The following UBE2W variants were observed in gnomAD, a reference collection of about 807,000 sequenced individuals.
The protein encoded by UBE2W is ubiquitin conjugating enzyme E2 W.
UBE2W carries 18 observed loss-of-function variants against 27.2 expected under a neutral mutation model. The ratio of observed to expected loss-of-function variants is 0.66; its 90% CI spans 0.46 to 0.98. The LOEUF (loss-of-function observed/expected upper bound fraction) is 0.98, where lower values mean the gene tolerates loss of function less well. Ranked by LOEUF, UBE2W falls within the 50% of genes least tolerant of loss-of-function variation. The pLI is 0.00. For missense variants in UBE2W, 90 were observed against 180.2 expected (o/e 0.50, Z 2.87); for synonymous variants, 53 against 57.2 (o/e 0.93, Z 0.33).
intron 1 of UBE2W, among the ~76,000 whole-genome samples, chr8:73,839,840 T>C (rs956938272): frequency 6.8e-6 from 1 of 148,002 alleles, no homozygotes; most frequent in Non-Finnish European, 1.5e-5. Context: ...CAAGCGATTC[T>C]CATGCCTCAG....
At chr8:73,847,480 T>G (rs1428978225) in intron 1 of UBE2W, among the ~76,000 whole-genome samples, 1 of 152,146 alleles carries the variant, frequency 6.6e-6, no homozygotes, top group Non-Finnish European at 1.5e-5. Context: ...ACCCACCAAT[T>G]CCATTCCAAG....
chr8:73,846,275 A>G (rs977875329), intron 1 of UBE2W, among the ~76,000 whole-genome samples: 1 of 152,168 alleles, frequency 6.6e-6, no homozygotes, highest in Non-Finnish European at 1.5e-5. Context: ...TGATGTCTGT[A>G]GTCCCAGCTA....
Position 73,788,910 on chromosome 8 carries a change from T to A in UBE2W, c.*5192A>T. On this transcript the variant is annotated 3_prime_UTR_variant, in exon 6 of 6. Coordinates refer to ENST00000602593, the MANE Select transcript of UBE2W (RefSeq NM_018299.6). ...GTATGTTAAGATAGATCAGCTTCTA[T>A]TCAGGCATTCCTTCCACATACTCAA... is the stretch of plus-strand genomic sequence containing the variant. 1 of 985,278 alleles carries A rather than the reference T, an allele frequency of 1.0e-6. No homozygotes were observed. The highest frequency in any genetic ancestry group is 1.2e-6 in the Non-Finnish European group (1 of 829,850). 61.0% of individuals were successfully genotyped at this position (985,278 alleles called of 1,614,324 possible). A position where few individuals can be genotyped will look rare whatever the true frequency, so the allele number is the denominator to read the frequency against.
intron 1 of UBE2W, among the ~76,000 whole-genome samples, chr8:73,849,174 AT>A (rs1810955890): frequency 6.6e-6 from 1 of 152,192 alleles, no homozygotes; most frequent in Non-Finnish European, 1.5e-5. Flanking sequence ...TCAATAAAAA[AT>A]AACAGTAAAA....
At chr8:73,838,795 T>C (rs553978250) in intron 1 of UBE2W, among the ~76,000 whole-genome samples, 5 of 152,184 alleles carry the variant, frequency 3.3e-5, no homozygotes, top group Non-Finnish European at 5.9e-5. Flanking sequence ...ACTGTAAAGG[T>C]TGCTTCACAT....
chr8:73,808,157 C>T (rs1808997628), intron 4 of UBE2W, among the ~76,000 whole-genome samples: 2 of 152,062 alleles, frequency 1.3e-5, no homozygotes, highest in Admixed American at 1.3e-4. Flanking sequence ...AAAGTAAAGC[C>T]CATAGAACCA....
chr8:73,825,342 C>G, intron 2 of UBE2W, 93 bp from the exon 3 acceptor site: 1 of 811,822 alleles, frequency 1.2e-6, no homozygotes. Context: ...ATACACTAAG[C>G]ACTAGGACAA....
intron 1 of UBE2W, chr8:73,870,339 C>A (rs748506926): frequency 3.9e-6 from 6 of 1,545,018 alleles, no homozygotes; most frequent in South Asian, 3.6e-5. Context: ...AACACATGGT[C>A]ATAAAGGAAA....
At chr8:73,780,361 C>A (rs1807819400) in exon 5 of UBE2W, 3 of 363,830 alleles carry the variant, frequency 8.2e-6, no homozygotes, top group East Asian at 7.4e-5. Flanking sequence ...AGGCCACATT[C>A]TACTTCGGTA....
intron 2 of UBE2W, among the ~76,000 whole-genome samples, chr8:73,827,461 G>A (rs564843154): frequency 3.9e-5 from 6 of 152,148 alleles, no homozygotes; most frequent in South Asian, 2.1e-4. Flanking sequence ...TGATCTGCCC[G>A]CCTCGGCGTC....
In UBE2W at chr8:73,788,762, G is replaced by A; in HGVS notation, c.*5340C>T. The A allele has an allele frequency of 2.0e-6, 2 of 985,316 alleles. No individual in the cohort carries two copies. Among genetic ancestry groups the A allele is most frequent in the Non-Finnish European group, 2.4e-6 (2 of 829,910 alleles). 61.0% of individuals were successfully genotyped at this position (985,316 alleles called of 1,614,324 possible). ...ACCAATGAGAAAACAACTTAGAATC[G>A]TTGTAGGACCATCCTTTTCTCAAAA... On this transcript the variant is annotated 3_prime_UTR_variant, in exon 6 of 6. Transcript: ENST00000602593.
At chr8:73,843,768 G>A (rs1186598426) in intron 1 of UBE2W, among the ~76,000 whole-genome samples, 1 of 114,940 alleles carries the variant, frequency 8.7e-6, no homozygotes, top group Non-Finnish European at 1.7e-5. Context: ...AAATATGAAA[G>A]GTAGAGACAC....
At chr8:73,858,638 GTCA>G (rs1348446563) in intron 1 of UBE2W, among the ~76,000 whole-genome samples, 1 of 143,186 alleles carries the variant, frequency 7.0e-6, no homozygotes, top group African/African-American at 2.6e-5. Context: ...TCTGACTTCA[GTCA>G]TAAGCAGACA....
chr8:73,832,366 T>C (rs1024633396), intron 1 of UBE2W, among the ~76,000 whole-genome samples: 2 of 152,168 alleles, frequency 1.3e-5, no homozygotes, highest in African/African-American at 4.8e-5. Flanking sequence ...GGGTTTCTAA[T>C]TGCCTTGTTA....
chr8:73,834,079 A>G (rs1380589671), intron 1 of UBE2W: 3 of 152,192 alleles, frequency 2.0e-5, no homozygotes, highest in African/African-American at 7.2e-5. Flanking sequence ...ACAAGTATGG[A>G]TATCTGTTCA....
chr8:73,803,744 ATTTC>A (rs961938496), intron 5 of UBE2W, among the ~76,000 whole-genome samples: 3 of 148,642 alleles, frequency 2.0e-5, no homozygotes, highest in South Asian at 2.1e-4. Context: ...GGAACAGCAT[ATTTC>A]TTTGTTTTCT....
intron 1 of UBE2W, among the ~76,000 whole-genome samples, chr8:73,868,517 G>T (rs1345143564): frequency 6.6e-6 from 1 of 152,114 alleles, no homozygotes; most frequent in African/African-American, 2.4e-5. Context: ...ATGAACCCAA[G>T]AAGGGGGTTG....
At chr8:73,784,600 C>T (rs980815805), downstream of UBE2W, among the ~76,000 whole-genome samples, 11 of 152,162 alleles carry the variant, frequency 7.2e-5, no homozygotes, top group African/African-American at 2.7e-4. Flanking sequence ...TTCTGCATGT[C>T]ATCTCCTGAG....
downstream of UBE2W, among the ~76,000 whole-genome samples, chr8:73,781,389 C>T (rs1357658715): frequency 6.6e-6 from 1 of 151,508 alleles, no homozygotes; most frequent in Non-Finnish European, 1.5e-5. Context: ...TACCTAAAAA[C>T]TTCAGCTCCC....
Sources: gnomAD v4.1 joint callset for allele counts (sites outside exome capture counted in the v4.1 genomes callset) on GRCh38, gnomAD v4.1.1 for gene constraint, MANE v1.5 for transcripts, NCBI Gene and HGNC (gene_info 2026-07-23, HGNC 2026-07-21) for gene names.